Variants in SLC26A8 observed in about 807,000 individuals in gnomAD.
SLC26A8 encodes the protein solute carrier family 26 member 8, also known as testis anion transporter 1.
In SLC26A8, 70 loss-of-function variants were observed where a neutral mutation model predicts 105.0. The observed-to-expected ratio is 0.67, with a 90% CI of 0.55 to 0.81. The LOEUF (loss-of-function observed/expected upper bound fraction) is 0.81. Ranked by LOEUF, SLC26A8 falls within the 40% of genes least tolerant of loss-of-function variation. The pLI, the probability that SLC26A8 is intolerant of heterozygous loss-of-function variation, is 0.00. For missense variants in SLC26A8, 998 were observed against 1,181.8 expected (o/e 0.84, Z 2.28); for synonymous variants, 415 against 438.3 (o/e 0.95, Z 0.66).
intron 11 of SLC26A8, among the ~76,000 whole-genome samples, chr6:35,968,603 G>GTA (rs1263429829): frequency 0.14 from 7,358 of 52,234 alleles, 785 homozygotes; most frequent in African/African-American, 0.37. Flanking sequence ...GTGTGTGTGT[G>GTA]TGTGTGTATA....
chr6:35,944,109 G>C lies in SLC26A8; in HGVS notation c.2704C>G (p.Pro902Ala), dbSNP rs761201891. Residue 902 changes from proline (P) to alanine (A), a missense_variant, in exon 20 of 20, where the codon CCC becomes GCC. Transcript: ENST00000490799. ...TETKTQTEME[P>A]QPETEPEMEP... ...ATCTCAGGCTCAGTCTCAGGCTGGG[G>C]CTCCATCTCGGTCTGGGTCTTGGTC... is the stretch of plus-strand genomic sequence containing the variant. 41 of 1,613,932 alleles carry C rather than the reference G, an allele frequency of 2.5e-5. No homozygotes were observed. The highest frequency in any genetic ancestry group is 3.5e-5 in the Non-Finnish European group (41 of 1,180,006).
chr6:36,006,575 G>A (rs1051221169), intron 3 of SLC26A8, among the ~76,000 whole-genome samples: 5 of 152,086 alleles, frequency 3.3e-5, no homozygotes, highest in Non-Finnish European at 5.9e-5. Context: ...TCCAACTTTG[G>A]TCTTTATTTA....
Position 36,021,084 on chromosome 6 carries a change from T to C in SLC26A8, c.-2-1375A>G, listed in dbSNP as rs531412700. Among the ~76,000 whole-genome samples, 5 of 152,290 alleles carry C rather than the reference T, an allele frequency of 3.3e-5. No individual in the cohort carries two copies. The South Asian group carries it at 6.2e-4, about 19-fold the overall frequency. On this transcript the variant is annotated intron_variant, in intron 1 of 19. Transcript: ENST00000490799. Reference sequence around the variant, plus strand: ...GGTGTAAAACCAAGATTTTAGAAAATGTAAGTAATTGGGCCATAATTATAT... The same window carrying C: ...GGTGTAAAACCAAGATTTTAGAAAACGTAAGTAATTGGGCCATAATTATAT...
intron 7 of SLC26A8, 82 bp downstream of exon 7, chr6:35,991,577 G>A: frequency 8.8e-7 from 1 of 1,139,674 alleles, no homozygotes; most frequent in Non-Finnish European, 1.2e-6. Context: ...AATGTATTCA[G>A]CTTTTACACA....
At chr6:35,979,753 C>T (rs376922760) in intron 8 of SLC26A8, among the ~76,000 whole-genome samples, 23 of 152,174 alleles carry the variant, frequency 1.5e-4, no homozygotes, top group South Asian at 6.2e-4. Flanking sequence ...CTGTAACAGC[C>T]GATTCTTGTT....
chr6:35,954,240 C>CG (rs1411784065), intron 17 of SLC26A8, among the ~76,000 whole-genome samples: 3 of 152,098 alleles, frequency 2.0e-5, no homozygotes, highest in African/African-American at 7.2e-5. Flanking sequence ...AGTCAGGACC[C>CG]GGGGACACAG....
intron 8 of SLC26A8, among the ~76,000 whole-genome samples, chr6:35,979,106 C>G (rs1173899525): frequency 6.6e-6 from 1 of 150,774 alleles, no homozygotes; most frequent in Admixed American, 6.6e-5. Context: ...CCTGCCTCAG[C>G]CTCCCACAGT....
chr6:35,964,324 CA>C (rs1337673213), intron 11 of SLC26A8, among the ~76,000 whole-genome samples: 1 of 152,154 alleles, frequency 6.6e-6, no homozygotes, highest in Non-Finnish European at 1.5e-5. Context: ...TGTTTTCACA[CA>C]AAAACTTTGT....
intron 10 of SLC26A8, chr6:35,969,662 T>C (rs574807218): frequency 2.2e-5 from 2 of 91,140 alleles, no homozygotes; most frequent in Admixed American, 9.7e-5. Flanking sequence ...CTACTTCCCA[T>C]GTAAGTAAAT....
intron 14 of SLC26A8, 122 bp downstream of exon 14, chr6:35,960,721 C>CT (rs1312447720): frequency 4.7e-5 from 43 of 919,960 alleles, no homozygotes; most frequent in Non-Finnish European, 7.1e-5. Context: ...CATCCCCCTC[C>CT]TTTGTAAATG....
Position 36,019,557 on chromosome 6 carries a change from T to C in SLC26A8, c.151A>G (p.Ile51Val). 1 of 1,614,090 alleles carries C rather than the reference T, an allele frequency of 6.2e-7. No homozygotes were observed. The highest frequency in any genetic ancestry group is 2.2e-5 in the East Asian group (1 of 44,884). The change falls in exon 2 of 20, where the codon ATC (isoleucine) becomes GTC (valine). Residue 51 changes from isoleucine to valine, a missense_variant. Transcript: ENST00000490799. ...RKASSSGNMN[I>V]NITTFRHHVQ... ...TGGTGTCTGAAGGTGGTGATGTTGA[T>C]GTTCATGTTCCCAGAAGAGGAGGCC...
intron 2 of SLC26A8, among the ~76,000 whole-genome samples, chr6:36,018,320 A>T (rs1762046215): frequency 6.6e-6 from 1 of 152,264 alleles, no homozygotes; most frequent in Admixed American, 6.5e-5. Flanking sequence ...ATGGAATATT[A>T]TTCAGCCATA....
At chr6:35,996,424 G>A (rs963529371) in intron 5 of SLC26A8, among the ~76,000 whole-genome samples, 3 of 152,176 alleles carry the variant, frequency 2.0e-5, no homozygotes, top group Admixed American at 2.0e-4. Context: ...ATTTTAATGA[G>A]TCATTCATAT....
rs760727575 is a variant in SLC26A8, at chr6:35,951,273, C to T, written c.2362G>A (p.Val788Ile). 9.3e-6 allele frequency: 15 copies of T among 1,614,106 alleles called. No homozygotes were observed. The highest frequency in any genetic ancestry group is 6.7e-5 in the Admixed American group (4 of 60,006). The change falls in exon 19 of 20, where the codon GTT becomes ATT. Residue 788 changes from valine (V) to isoleucine (I), a missense_variant. Transcript: ENST00000490799. The part of the protein sequence containing the change: ...GITKTQLFLS[V>I]HDAVLFALSR... The stretch of plus-strand genomic sequence containing the variant: ...AAGGCAAACAGCACGGCGTCGTGAA[C>T]GCTGAGGAACAGCTGGGTCTTGGTG...
At chr6:35,953,283 A>G (rs1464309772) in intron 17 of SLC26A8, among the ~76,000 whole-genome samples, 9 of 152,174 alleles carry the variant, frequency 5.9e-5, no homozygotes, top group Non-Finnish European at 1.2e-4. Context: ...GCCAAGGACC[A>G]GAACATATGG....
intron 11 of SLC26A8, among the ~76,000 whole-genome samples, chr6:35,968,459 G>A (rs996256702): frequency 1.3e-5 from 2 of 149,706 alleles, no homozygotes; most frequent in African/African-American, 2.5e-5. Context: ...GTGTATAACT[G>A]TATAACCCAG....
chr6:35,962,046 T>G (rs911851169), intron 12 of SLC26A8, among the ~76,000 whole-genome samples: 7 of 152,190 alleles, frequency 4.6e-5, no homozygotes, highest in African/African-American at 1.7e-4. Flanking sequence ...GTCAATATAG[T>G]GAAACCCTGT....
intron 10 of SLC26A8, among the ~76,000 whole-genome samples, chr6:35,974,033 T>C (rs76536374): frequency 0.072 from 11,025 of 152,266 alleles, 471 homozygotes; most frequent in Middle Eastern, 0.099. Context: ...CTCATGAACA[T>C]TGGGCCGGGC....
intron 17 of SLC26A8, among the ~76,000 whole-genome samples, chr6:35,953,900 G>T (rs1182282451): frequency 6.6e-6 from 1 of 152,188 alleles, no homozygotes; most frequent in Non-Finnish European, 1.5e-5. Flanking sequence ...TTAAGAGGCA[G>T]TCGTATTCCC....
Sources: allele counts gnomAD v4.1 joint callset (sites outside exome capture counted in the v4.1 genomes callset), GRCh38; gene constraint gnomAD v4.1.1; transcripts MANE v1.5; gene names NCBI Gene and HGNC (gene_info 2026-07-23, HGNC 2026-07-21).